Variants in LRRFIP2 observed in about 807,000 individuals in gnomAD.
LRRFIP2 encodes the protein LRR binding FLII interacting protein 2.
Under a neutral mutation model 125.9 loss-of-function variants are expected in LRRFIP2, and 109 were observed. That is an observed-to-expected ratio of 0.87 (90% CI 0.74 to 1.01). The LOEUF is 1.01. Ranked by LOEUF, LRRFIP2 falls within the 50% of genes least tolerant of loss-of-function variation. The pLI, the probability that LRRFIP2 is intolerant of heterozygous loss-of-function variation, is 0.00. For missense variants in LRRFIP2, 850 were observed against 862.3 expected (o/e 0.99, Z 0.18); for synonymous variants, 291 against 293.1 (o/e 0.99, Z 0.07).
In LRRFIP2 at chr3:37,088,583, G is replaced by A. The variant is rs138000162; in HGVS notation, c.1107+2884C>T. Reference sequence around the variant, plus strand: ...ATCCCAATGCTTTGAGAGGCCAAGCGGGAGAACTGCTTGAGCCCAGGAGTT... The same window carrying A: ...ATCCCAATGCTTTGAGAGGCCAAGCAGGAGAACTGCTTGAGCCCAGGAGTT... On this transcript the variant is annotated intron_variant, in intron 18 of 27. Coordinates refer to ENST00000336686, the MANE Select transcript of LRRFIP2 (RefSeq NM_006309.4). 3.6e-4 allele frequency among the ~76,000 whole-genome samples: 55 copies of A among 150,812 alleles called. 2 individuals carry two copies. The East Asian group carries it at 6.9e-3, about 19-fold the overall frequency.
chr3:37,152,744 A>C (rs1171475817), intron 1 of LRRFIP2, among the ~76,000 whole-genome samples: 1 of 152,140 alleles, frequency 6.6e-6, no homozygotes, highest in Non-Finnish European at 1.5e-5. Context: ...GACCGAAATG[A>C]AATTTTTAAA....
At chr3:37,110,030 G>A (rs1459056917) in intron 9 of LRRFIP2, among the ~76,000 whole-genome samples, 1 of 151,978 alleles carries the variant, frequency 6.6e-6, no homozygotes, top group Non-Finnish European at 1.5e-5. Context: ...GAGGGTCATG[G>A]TACCGGGAGT....
intron 6 of LRRFIP2, among the ~76,000 whole-genome samples, chr3:37,117,549 A>C (rs1367930922): frequency 6.6e-6 from 1 of 152,176 alleles, no homozygotes; most frequent in East Asian, 1.9e-4. Context: ...GCTCATTTCC[A>C]AATTTTTGAT....
chr3:37,145,512 T>C (rs1454303649), intron 2 of LRRFIP2, among the ~76,000 whole-genome samples: 2 of 152,208 alleles, frequency 1.3e-5, no homozygotes, highest in Non-Finnish European at 2.9e-5. Flanking sequence ...CAAATCCCTG[T>C]AAGTCTCCAA....
At position 37,053,382 on chromosome 3, in the gene LRRFIP2, T is replaced by C. The variant is rs1265618181; in HGVS notation, c.*469A>G. On this transcript the variant is annotated 3_prime_UTR_variant, in exon 28 of 28. Coordinates refer to ENST00000336686, the MANE Select transcript of LRRFIP2 (RefSeq NM_006309.4). ...ACTTGTTTCTTCACTAAAATATAAA[T>C]GTTGTCTGATATTAAGGGTAAATGT... The C allele has an allele frequency of 6.5e-6, 1 of 152,854 alleles. No homozygotes were observed. Among genetic ancestry groups the C allele is most frequent in the African/African-American group, 2.4e-5 (1 of 41,416 alleles). The allele number at this position is 152,854 out of a possible 1,614,324, so 9.5% of individuals were successfully genotyped here.
rs200677203 is a variant in LRRFIP2 at position 37,105,484 on chromosome 3, G to A, written c.754C>T (p.Arg252Cys). 2.6e-5 allele frequency: 42 copies of A among 1,613,880 alleles called. No homozygotes were observed. Among genetic ancestry groups the A allele is most frequent in the East Asian group, 1.6e-4 (7 of 44,838 alleles). ...DDTASIVSSD[R>C]ASRGRRESVV... ...CTCTCCCTTCGTCCACGACTGGCAC[G>A]ATCAGAAGACACAATGCTTGCAGTG... The change falls in exon 14 of 28, where the codon CGT becomes TGT. Residue 252 changes from arginine to cysteine, a missense_variant. By Grantham distance (180) the Arg-to-Cys change is radical (BLOSUM62 -3). Transcript: ENST00000336686.
chr3:37,117,175 C>T (rs1013547630), intron 6 of LRRFIP2, among the ~76,000 whole-genome samples: 1 of 149,824 alleles, frequency 6.7e-6, no homozygotes, highest in African/African-American at 2.4e-5. Context: ...TCAAGTCACA[C>T]ATTCTAGCAG....
At chr3:37,146,840 G>A (rs558895330) in intron 2 of LRRFIP2, among the ~76,000 whole-genome samples, 7 of 152,164 alleles carry the variant, frequency 4.6e-5, no homozygotes, top group East Asian at 1.9e-4. Context: ...AAAAGCAATC[G>A]CAACAAAAGT....
chr3:37,091,632 T>A, intron 17 of LRRFIP2, 94 bp from the exon 18 acceptor site: 1 of 883,834 alleles, frequency 1.1e-6, no homozygotes, highest in Non-Finnish European at 1.7e-6. Flanking sequence ...CACTTTTGTA[T>A]ATTCCAGACT....
At chr3:37,143,607 G>A (rs905934350) in intron 2 of LRRFIP2, 4 of 219,050 alleles carry the variant, frequency 1.8e-5, no homozygotes, top group African/African-American at 9.4e-5. Context: ...AAATTCAGAA[G>A]ATTAGTAAAC....
intron 1 of LRRFIP2, among the ~76,000 whole-genome samples, chr3:37,152,875 T>C (rs1459983744): frequency 1.3e-5 from 2 of 152,222 alleles, no homozygotes; most frequent in Non-Finnish European, 1.5e-5. Context: ...CATCCAATAT[T>C]TGTCCATCAG....
rs570909604 is a variant in LRRFIP2 at position 37,098,717 on chromosome 3, T to C, written c.874-2057A>G. Among the ~76,000 whole-genome samples, 123 of 152,224 alleles carry C rather than the reference T, an allele frequency of 8.1e-4. 1 individual carries two copies. The highest frequency in any genetic ancestry group is 2.8e-3 in the African/African-American group (115 of 41,566). Reference sequence around the variant, plus strand: ...CTGAAATTTGTTTTTAAATACTATATTGCCAATTATTGCCATAAAAAGGAA... The same window carrying C: ...CTGAAATTTGTTTTTAAATACTATACTGCCAATTATTGCCATAAAAAGGAA... On this transcript the variant is annotated intron_variant, in intron 15 of 27. Transcript: ENST00000336686.
Position 37,053,786 on chromosome 3 carries a change from G to A in LRRFIP2, c.*65C>T. 9.5e-7 allele frequency: 1 copy of A among 1,047,660 alleles called. No individual in the cohort carries two copies. Among genetic ancestry groups the A allele is most frequent in the Middle Eastern group, 2.0e-4 (1 of 4,968 alleles). 64.9% of individuals were successfully genotyped at this position (1,047,660 alleles called of 1,614,324 possible). A position where few individuals can be genotyped will look rare whatever the true frequency, so the allele number is the denominator to read the frequency against. On this transcript the variant is annotated 3_prime_UTR_variant, in exon 28 of 28. Coordinates refer to ENST00000336686, the MANE Select transcript of LRRFIP2 (RefSeq NM_006309.4). ...AGTACTAAAAGGGGTTTGTGTCAAT[G>A]GACAAAAGTCAGTCCCTCTAGGTAG...
Position 37,166,968 on chromosome 3 carries a change from T to A in LRRFIP2, c.-56+7571A>T, listed in dbSNP as rs1237192617. The stretch of plus-strand genomic sequence containing the variant: ...AGGCAGAGGTTGCAGTGAGCAGAGA[T>A]AGCGCCATTGCACTCCAGCCTGGGC... On this transcript the variant is annotated intron_variant, in intron 1 of 27. Transcript: ENST00000336686. Among the ~76,000 whole-genome samples the A allele has an allele frequency of 2.6e-5, 4 of 151,238 alleles. No individual in the cohort carries two copies. In the East Asian group the frequency reaches 5.9e-4, roughly 22 times the overall value.
intron 1 of LRRFIP2, chr3:37,154,610 TTACAGAAAA>T (rs1164472779): frequency 2.0e-5 from 3 of 152,332 alleles, no homozygotes; most frequent in Admixed American, 2.0e-4. Flanking sequence ...CATATTTTAC[TTACAGAAAA>T]GAAGGAAAGT....
At chr3:37,091,440 C>T in intron 18 of LRRFIP2, 27 bp downstream of exon 18, 3 of 1,588,122 alleles carry the variant, frequency 1.9e-6, no homozygotes, top group Non-Finnish European at 2.6e-6. Context: ...ACAGAGCATG[C>T]TTGGGCTGCA....
chr3:37,166,397 A>C (rs528653520), intron 1 of LRRFIP2, among the ~76,000 whole-genome samples: 1 of 152,304 alleles, frequency 6.6e-6, no homozygotes, highest in South Asian at 2.1e-4. Flanking sequence ...CACACTATCA[A>C]AAAGTAAAAA....
At chr3:37,065,533 G>A in intron 23 of LRRFIP2, 2 of 574,698 alleles carry the variant, frequency 3.5e-6, no homozygotes, top group Non-Finnish European at 6.6e-6. Context: ...TTGCAGAACA[G>A]TTTGTAGTTA....
chr3:37,125,493 T>C (rs2095242073), intron 4 of LRRFIP2, among the ~76,000 whole-genome samples: 3 of 152,226 alleles, frequency 2.0e-5, no homozygotes, highest in Admixed American at 2.0e-4. Context: ...CTTCAAATAC[T>C]GGTTCTGCCA....
Sources: gnomAD v4.1 joint callset for allele counts (sites outside exome capture counted in the v4.1 genomes callset) on GRCh38, gnomAD v4.1.1 for gene constraint, MANE v1.5 for transcripts, NCBI Gene and HGNC (gene_info 2026-07-23, HGNC 2026-07-21) for gene names.